SDK1: variants seen among roughly 807,000 people sequenced by gnomAD.
The protein encoded by SDK1 is sidekick cell adhesion molecule 1.
Under a neutral mutation model 245.5 loss-of-function variants are expected in SDK1, and 157 were observed. That is an observed-to-expected ratio of 0.64 (90% CI 0.56 to 0.73). The LOEUF is 0.73. SDK1 is among the 30% of genes least tolerant of loss of function. The probability of loss-of-function intolerance (pLI) is 0.00; values close to 1 mark genes in which losing one functional copy is unlikely to be tolerated. For synonymous variants in SDK1, 1,647 were observed against 1,278.5 expected (o/e 1.29, Z -6.15); for missense variants, 3,583 against 3,002.3 (o/e 1.19, Z -4.52).
At chr7:4,103,107 T>A (rs889332352) in intron 22 of SDK1, among the ~76,000 whole-genome samples, 10 of 151,494 alleles carry the variant, frequency 6.6e-5, no homozygotes, top group Non-Finnish European at 5.9e-5. Context: ...CTCACGCCAT[T>A]CTCCTGCCTC....
At chr7:3,977,623 G>T (rs914049001) in intron 13 of SDK1, among the ~76,000 whole-genome samples, 1 of 152,202 alleles carries the variant, frequency 6.6e-6, no homozygotes, top group South Asian at 2.1e-4. Context: ...AGCATTCAAC[G>T]ACAGTAGCAC....
rs183169503 is a variant in SDK1 at position 3,510,248 on chromosome 7, C to T, written c.299-108832C>T. 6.6e-5 allele frequency among the ~76,000 whole-genome samples: 10 copies of T among 152,312 alleles called. No homozygotes were observed. In the East Asian group the frequency reaches 1.5e-3, roughly 23 times the overall value. ...GCAGTGCACAAGGTGGTGAGGAAGCCAGCCTGCCTCAAGGAGTTTAACATT... is the reference window on the plus strand; with the variant it reads ...GCAGTGCACAAGGTGGTGAGGAAGCTAGCCTGCCTCAAGGAGTTTAACATT... On this transcript the variant is annotated intron_variant, in intron 1 of 44. Transcript: ENST00000404826.
chr7:3,768,404 C>G (rs1434271083), intron 4 of SDK1, among the ~76,000 whole-genome samples: 4 of 152,166 alleles, frequency 2.6e-5, no homozygotes, highest in Non-Finnish European at 5.9e-5. Context: ...CATCTTGAAC[C>G]TTAAACTTTA....
At chr7:3,680,360 G>C (rs192378064) in intron 4 of SDK1, among the ~76,000 whole-genome samples, 355 of 152,308 alleles carry the variant, frequency 2.3e-3, no homozygotes, top group Middle Eastern at 6.8e-3. Flanking sequence ...CAGCACAGGG[G>C]ATCTTTGTCG....
chr7:4,059,731 C>T (rs773826262), intron 19 of SDK1, among the ~76,000 whole-genome samples: 10 of 151,980 alleles, frequency 6.6e-5, no homozygotes, highest in Admixed American at 2.6e-4. Flanking sequence ...GACTAAAATT[C>T]GATCGATATC....
At chr7:4,219,958 G>A in intron 38 of SDK1, 151 bp from the exon 39 acceptor site, 1 of 815,230 alleles carries the variant, frequency 1.2e-6, no homozygotes. Flanking sequence ...CTGAAAATTG[G>A]CTATTACCAC....
chr7:3,760,189 C>T (rs747944917), intron 4 of SDK1, among the ~76,000 whole-genome samples: 4 of 152,108 alleles, frequency 2.6e-5, no homozygotes, highest in Non-Finnish European at 5.9e-5. Context: ...CTCGAGGTCT[C>T]GGCCATTTGG....
intron 5 of SDK1, among the ~76,000 whole-genome samples, chr7:3,841,961 T>G (rs553308822): frequency 2.0e-5 from 3 of 152,344 alleles, no homozygotes; most frequent in Non-Finnish European, 4.4e-5. Context: ...GGCCTCAGAC[T>G]ACTCTGATGT....
intron 1 of SDK1, among the ~76,000 whole-genome samples, chr7:3,525,749 C>T (rs1440999384): frequency 6.6e-6 from 1 of 152,084 alleles, no homozygotes; most frequent in Non-Finnish European, 1.5e-5. Context: ...TATTTCCTGT[C>T]TCCATTGTAA....
chr7:3,619,151 C>G lies in SDK1; in HGVS notation c.370C>G (p.Leu124Val), dbSNP rs1434259045. Residue 124 changes from leucine (L) to valine (V), a missense_variant, in exon 2 of 45, where the codon CTC becomes GTC. Leu to Val is a conservative substitution (Grantham distance 32). Coordinates refer to ENST00000404826, the MANE Select transcript of SDK1 (RefSeq NM_152744.4). ...CCACCTGGAAGGGAACCGCCTTGTT[C>G]TCACCTGCCTTGCCGAAGGGAGCTG... ...QIHLEGNRLV[L>V]TCLAEGSWPL... 2 of 1,614,044 alleles carry G rather than the reference C, an allele frequency of 1.2e-6. No homozygotes were observed. Among genetic ancestry groups the G allele is most frequent in the African/African-American group, 2.7e-5 (2 of 75,032 alleles).
chr7:3,764,331 T>C (rs577560684), intron 4 of SDK1, among the ~76,000 whole-genome samples: 1 of 152,304 alleles, frequency 6.6e-6, no homozygotes, highest in Non-Finnish European at 1.5e-5. Context: ...ACCCCCCTTT[T>C]TTACAACAAA....
At position 3,956,682 on chromosome 7, in the gene SDK1, T is replaced by A. The variant is rs769192698; in HGVS notation, c.1151-2249T>A. On this transcript the variant is annotated intron_variant, in intron 7 of 44. Transcript: ENST00000404826. ...CCCCCAGACCTTGCCCATGCCACAG[T>A]ACTATGGAGAGTGTGGAGTGGGATG... Among the ~76,000 whole-genome samples the A allele has an allele frequency of 2.0e-5, 3 of 152,348 alleles. No homozygotes were observed. The South Asian group carries it at 6.2e-4, about 32-fold the overall frequency.
At chr7:3,829,883 C>A (rs1779872247) in intron 5 of SDK1, among the ~76,000 whole-genome samples, 1 of 152,222 alleles carries the variant, frequency 6.6e-6, no homozygotes, top group Non-Finnish European at 1.5e-5. Context: ...CCCAGTGAGG[C>A]ACGTTTGGGC....
At chr7:4,102,077 A>G (rs571126104) in intron 22 of SDK1, among the ~76,000 whole-genome samples, 102 of 152,232 alleles carry the variant, frequency 6.7e-4, no homozygotes, top group Non-Finnish European at 1.4e-3. Flanking sequence ...CTGGGAATCT[A>G]GAGCTGGGCT....
chr7:4,049,149 A>G (rs1013606450), intron 17 of SDK1, among the ~76,000 whole-genome samples, 199 bp from the exon 18 acceptor site: 4 of 152,234 alleles, frequency 2.6e-5, no homozygotes, highest in Non-Finnish European at 5.9e-5. Context: ...GAATTCTGCA[A>G]GAGAAAATGA....
intron 5 of SDK1, among the ~76,000 whole-genome samples, chr7:3,831,925 C>T (rs1012832357): frequency 1.3e-5 from 2 of 151,966 alleles, no homozygotes; most frequent in Non-Finnish European, 2.9e-5. Context: ...GTAGTGCATA[C>T]CTGTGGCCCC....
chr7:3,696,201 A>G (rs1056679578), intron 4 of SDK1, among the ~76,000 whole-genome samples: 1 of 152,030 alleles, frequency 6.6e-6, no homozygotes, highest in African/African-American at 2.4e-5. Context: ...CACTCTCTCC[A>G]CTGTGAGACT....
intron 1 of SDK1, among the ~76,000 whole-genome samples, chr7:3,613,318 G>A (rs1277939060): frequency 4.6e-5 from 7 of 152,188 alleles, no homozygotes; most frequent in African/African-American, 1.7e-4. Flanking sequence ...ATGAGCAGAA[G>A]ATTATTCTCA....
At chr7:4,055,661 C>A (rs1779148973) in intron 19 of SDK1, among the ~76,000 whole-genome samples, 1 of 151,632 alleles carries the variant, frequency 6.6e-6, no homozygotes, top group South Asian at 2.1e-4. Flanking sequence ...TAATTTCCTT[C>A]CTCTGCTTGC....
Sources: allele counts gnomAD v4.1 joint callset (sites outside exome capture counted in the v4.1 genomes callset), GRCh38; gene constraint gnomAD v4.1.1; transcripts MANE v1.5; gene names NCBI Gene and HGNC (gene_info 2026-07-23, HGNC 2026-07-21).